BLTP1: variants seen among roughly 807,000 people sequenced by gnomAD.
BLTP1 encodes bridge-like lipid transfer protein family member 1, also known as fragile site-associated protein.
At chr4:122,313,738 T>G in the BLTP1 span, 7 of 1,090,734 alleles carry the variant, frequency 6.4e-6, no homozygotes, top group African/African-American at 1.1e-4. Context: ...CTGCCTTTAT[T>G]TTAATGGCAA....
At chr4:122,264,955 T>C in the BLTP1 span, among the ~76,000 whole-genome samples, 3 of 152,244 alleles carry the variant, frequency 2.0e-5, no homozygotes, top group East Asian at 5.8e-4. Flanking sequence ...AATGAGGATA[T>C]GGTGAAAGTC....
the BLTP1 span, chr4:122,238,167 A>G: frequency 1.2e-6 from 2 of 1,613,994 alleles, no homozygotes; most frequent in Non-Finnish European, 1.7e-6. Context: ...AAAACTCAGC[A>G]CCTTAGTCTT....
the BLTP1 span, chr4:122,195,717 A>T: frequency 2.7e-6 from 2 of 743,630 alleles, no homozygotes; most frequent in Non-Finnish European, 3.3e-6. Context: ...TAATATTCTT[A>T]ATTTTCTATA....
chr4:122,211,059 C>T, the BLTP1 span: 3 of 1,612,990 alleles, frequency 1.9e-6, no homozygotes, highest in Non-Finnish European at 2.5e-6. Context: ...AGATAACTCT[C>T]TATGGACCTC....
chr4:122,256,000 T>C, the BLTP1 span: 2 of 955,002 alleles, frequency 2.1e-6, no homozygotes, highest in South Asian at 4.8e-5. Context: ...AGGGACTAAT[T>C]GATGATTGAG....
chr4:122,164,007 C>G, the BLTP1 span, among the ~76,000 whole-genome samples: 1 of 152,166 alleles, frequency 6.6e-6, no homozygotes, highest in Non-Finnish European at 1.5e-5. Context: ...ATTCCTCTTT[C>G]CATTTTACAC....
At chr4:122,286,585 C>T in the BLTP1 span, 7 of 1,614,040 alleles carry the variant, frequency 4.3e-6, no homozygotes, top group African/African-American at 2.7e-5. Flanking sequence ...TCACAGATTG[C>T]GTTTTACTTC....
the BLTP1 span, among the ~76,000 whole-genome samples, chr4:122,296,877 T>G: frequency 2.6e-5 from 4 of 152,070 alleles, no homozygotes; most frequent in African/African-American, 7.2e-5. Flanking sequence ...ATGCAGAAAA[T>G]TTAAACTGGA....
the BLTP1 span, chr4:122,201,132 T>A: frequency 3.7e-6 from 6 of 1,601,382 alleles, no homozygotes; most frequent in Non-Finnish European, 5.1e-6. Flanking sequence ...TACAGGTAAT[T>A]TTCTAATAGA....
chr4:122,165,034 A>G, the BLTP1 span, among the ~76,000 whole-genome samples: 2 of 152,236 alleles, frequency 1.3e-5, no homozygotes, highest in African/African-American at 4.8e-5. Context: ...GCCTCAGACT[A>G]CTTCATAGTT....
At chr4:122,220,468 C>T in the BLTP1 span, 1 of 1,608,482 alleles carries the variant, frequency 6.2e-7, no homozygotes, top group Non-Finnish European at 8.5e-7. Flanking sequence ...TGATAACTAT[C>T]AGGTAAGGTG....
At chr4:122,290,924 T>G in the BLTP1 span, 1 of 469,732 alleles carries the variant, frequency 2.1e-6, no homozygotes, top group South Asian at 9.2e-5. Context: ...ATAAATAGAC[T>G]CTTACATGAA....
At chr4:122,199,421 C>T in the BLTP1 span, 5 of 1,613,472 alleles carry the variant, frequency 3.1e-6, no homozygotes, top group Non-Finnish European at 3.4e-6. Context: ...CATGCAATAT[C>T]GGACCCTTTT....
the BLTP1 span, among the ~76,000 whole-genome samples, chr4:122,335,278 A>T: frequency 6.6e-6 from 1 of 152,030 alleles, no homozygotes; most frequent in African/African-American, 2.4e-5. Flanking sequence ...TAGCCTTAGA[A>T]GTCACACACC....
At chr4:122,353,791 A>T in the BLTP1 span, 2 of 1,599,712 alleles carry the variant, frequency 1.3e-6, no homozygotes, top group African/African-American at 1.3e-5. This position sits in a 1 kb window ranked among gnomAD's most constrained non-coding sequence, Gnocchi z 4.3. Context: ...TTACTTTAAA[A>T]AAGTATTTTT....
At chr4:122,334,319 T>G in the BLTP1 span, 5 of 1,477,430 alleles carry the variant, frequency 3.4e-6, no homozygotes, top group Non-Finnish European at 4.7e-6. Context: ...ATTTTAATTT[T>G]AAAAGTTTAT....
chr4:122,244,697 C>T, the BLTP1 span: 1 of 784,134 alleles, frequency 1.3e-6, no homozygotes, highest in South Asian at 5.9e-5. Flanking sequence ...ACATAATTTT[C>T]TTCGATAACT....
the BLTP1 span, among the ~76,000 whole-genome samples, chr4:122,308,390 G>A: frequency 6.6e-6 from 1 of 151,972 alleles, no homozygotes; most frequent in Non-Finnish European, 1.5e-5. Flanking sequence ...ATAGTGATAA[G>A]ATTGATACCC....
At chr4:122,250,680 C>T in the BLTP1 span, 2 of 1,116,384 alleles carry the variant, frequency 1.8e-6, no homozygotes, top group Non-Finnish European at 2.6e-6. Context: ...CCTGTCTTTC[C>T]CTATTTTGGA....
Sources: gnomAD v4.1 joint callset for allele counts (sites outside exome capture counted in the v4.1 genomes callset) on GRCh38, gnomAD v4.1.1 for gene constraint, Gnocchi (gnomAD v3.1) non-coding constraint, MANE v1.5 for transcripts, NCBI Gene and HGNC (gene_info 2026-07-23, HGNC 2026-07-21) for gene names.